COL4A2: variants seen among roughly 807,000 people sequenced by gnomAD.
The protein encoded by COL4A2 is collagen type IV alpha 2 chain.
COL4A2 carries 99 observed loss-of-function variants against 200.2 expected under a neutral mutation model. The ratio of observed to expected loss-of-function variants is 0.49; its 90% CI spans 0.42 to 0.58. The LOEUF is 0.58. Among genes scored for constraint, COL4A2 ranks in the 20% least tolerant of loss-of-function variants. The pLI is 0.00. For missense variants in COL4A2, 1,950 were observed against 2,314.1 expected, an observed-to-expected ratio of 0.84 and a Z score of 3.23; for synonymous variants, 897 against 900.6, an observed-to-expected ratio of 1.00 and a Z score of 0.07.
At chr13:110,385,524 A>AGACCGTGGCTG (rs1878671885) in intron 4 of COL4A2, among the ~76,000 whole-genome samples, 1 of 47,608 alleles carries the variant, frequency 2.1e-5, no homozygotes, top group Non-Finnish European at 4.7e-5. Flanking sequence ...GGCCGTGGTT[A>AGACCGTGGCTG]CAGTGCGTGG....
chr13:110,368,681 C>A (rs1474520974), intron 4 of COL4A2, among the ~76,000 whole-genome samples: 1 of 151,966 alleles, frequency 6.6e-6, no homozygotes, highest in Non-Finnish European at 1.5e-5. Context: ...TCAAGGATTG[C>A]GTAGGAGTTG....
chr13:110,333,224 C>G lies in COL4A2; in HGVS notation c.100-24248C>G, dbSNP rs541216352. ...ATGTACCTCTTTGAATGCTGCCTGC[C>G]TCGAGGTGTACCTCTCATCATCACA... is the stretch of plus-strand genomic sequence containing the variant. On this transcript the variant is annotated intron_variant, in intron 3 of 47. Transcript: ENST00000360467. 2.6e-5 allele frequency among the ~76,000 whole-genome samples: 4 copies of G among 152,188 alleles called. No individual in the cohort carries two copies. The East Asian group carries it at 7.7e-4, about 29-fold the overall frequency.
rs71127943 is a variant in COL4A2 at position 110,474,944 on chromosome 13, G to GCA, written c.2425+1800_2425+1801dup. Among the ~76,000 whole-genome samples the GCA allele has an allele frequency of 3.7e-4, 18 of 48,984 alleles. 1 individual carries two copies. Among genetic ancestry groups the GCA allele is most frequent in the African/African-American group, 1.0e-3 (15 of 14,318 alleles). 32.1% of individuals were successfully genotyped at this position (48,984 alleles called of 152,430 possible). A position where few individuals can be genotyped will look rare whatever the true frequency, so the allele number is the denominator to read the frequency against. On this transcript the variant is annotated intron_variant, in intron 29 of 47. Transcript: ENST00000360467. ...TGCACATACCCACACACGTGCCTGT[G>GCA]CACACACGATCACACACACGTACAT... is the stretch of plus-strand genomic sequence containing the variant.
At chr13:110,412,178 A>G (rs531959720) in intron 4 of COL4A2, among the ~76,000 whole-genome samples, 1 of 152,324 alleles carries the variant, frequency 6.6e-6, no homozygotes, top group South Asian at 2.1e-4. Context: ...CCAATCAGTG[A>G]TTGAGTTTGT....
intron 3 of COL4A2, among the ~76,000 whole-genome samples, chr13:110,321,340 A>G (rs1316901189): frequency 6.6e-6 from 1 of 152,194 alleles, no homozygotes; most frequent in Non-Finnish European, 1.5e-5. Flanking sequence ...TATGTAACAT[A>G]AAATTTACCA....
At chr13:110,344,614 G>T (rs1376626698) in intron 3 of COL4A2, among the ~76,000 whole-genome samples, 1 of 152,148 alleles carries the variant, frequency 6.6e-6, no homozygotes, top group Non-Finnish European at 1.5e-5. Context: ...CATCAGCACA[G>T]CAAACTGTCA....
At chr13:110,312,132 A>C (rs895462658) in intron 3 of COL4A2, among the ~76,000 whole-genome samples, 1 of 152,216 alleles carries the variant, frequency 6.6e-6, no homozygotes, top group East Asian at 1.9e-4. Context: ...AAGAAGGGAA[A>C]AGCACGGGGT....
At chr13:110,381,356 C>A (rs1878485394) in intron 4 of COL4A2, among the ~76,000 whole-genome samples, 2 of 152,252 alleles carry the variant, frequency 1.3e-5, no homozygotes, top group Admixed American at 1.3e-4. Context: ...CTCTGGCGTC[C>A]CCTTTCCTTG....
intron 4 of COL4A2, among the ~76,000 whole-genome samples, chr13:110,368,945 G>C (rs374132300): frequency 3.9e-4 from 59 of 151,848 alleles, no homozygotes; most frequent in African/African-American, 1.4e-3. Context: ...GCGGTGGCTC[G>C]CACCTGTAAT....
chr13:110,375,962 C>T (rs1470235178), intron 4 of COL4A2, among the ~76,000 whole-genome samples: 1 of 151,958 alleles, frequency 6.6e-6, no homozygotes, highest in East Asian at 1.9e-4. Flanking sequence ...TTTGACATTC[C>T]CTGAGTAAAT....
Position 110,476,164 on chromosome 13 carries a change from G to C in COL4A2, c.2426-1839G>C, listed in dbSNP as rs1203810013. 2.6e-5 allele frequency among the ~76,000 whole-genome samples: 4 copies of C among 152,248 alleles called. No individual in the cohort carries two copies. The East Asian group carries it at 7.7e-4, about 29-fold the overall frequency. ...GGGTTATGAATGTCACCTGGTGTCT[G>C]TCAGATCCCCACCCCATTGTTCTTG... is the stretch of plus-strand genomic sequence containing the variant. On this transcript the variant is annotated intron_variant, in intron 29 of 47. Transcript: ENST00000360467.
At chr13:110,384,427 AAC>A (rs1415732198) in intron 4 of COL4A2, among the ~76,000 whole-genome samples, 1 of 152,226 alleles carries the variant, frequency 6.6e-6, no homozygotes, top group African/African-American at 2.4e-5. Context: ...AAGGGAACTT[AAC>A]CAGTAATTTC....
At chr13:110,328,231 G>A (rs9559769) in intron 3 of COL4A2, 70,823 of 152,082 alleles carry the variant, frequency 0.47, 16,896 homozygotes, top group East Asian at 0.74. Flanking sequence ...TGTTTAATTC[G>A]TCCTGAAGAG....
At chr13:110,432,176 T>G in intron 10 of COL4A2, 149 bp from the exon 11 acceptor site, 1 of 1,040,882 alleles carries the variant, frequency 9.6e-7, no homozygotes. Context: ...GCATGTCATC[T>G]CTGCCAAGCC....
Position 110,487,081 on chromosome 13 carries a change from C to T in COL4A2, c.3207+1245C>T, listed in dbSNP as rs117678419. Among the ~76,000 whole-genome samples, 1,272 of 152,332 alleles carry T rather than the reference C, an allele frequency of 8.4e-3. 18 individuals are homozygous for T. The highest frequency in any genetic ancestry group is 0.014 in the Middle Eastern group (4 of 294). ...GTGTACAGAATTCTTCAGGGGTCTT[C>T]CTCCCCTCACTCCCAAAATCTGCAG... On this transcript the variant is annotated intron_variant, in intron 34 of 47. Transcript: ENST00000360467.
rs916555766 is a variant in COL4A2 at position 110,308,123 on chromosome 13, G to A, written c.99G>A (p.Ala33=). The change falls in exon 3 of 48, where the codon GCG becomes GCA. Residue 33 remains alanine (A), a splice_region_variant and synonymous_variant. Transcript: ENST00000360467. ...TVGFLAQSVL[A]GVKKFDVPCG... The stretch of plus-strand genomic sequence containing the variant: ...GGTTCCTCGCCCAGAGCGTCTTGGC[G>A]GTAAGTCCTGGCTCCCGCGCTTGGA... 2.5e-6 allele frequency: 4 copies of A among 1,613,542 alleles called. No homozygotes were observed. The highest frequency in any genetic ancestry group is 1.3e-5 in the African/African-American group (1 of 74,940).
At chr13:110,473,344 G>C in intron 29 of COL4A2, 194 bp downstream of exon 29, 1 of 546,126 alleles carries the variant, frequency 1.8e-6, no homozygotes, top group Non-Finnish European at 3.2e-6. Flanking sequence ...ACCCACGGTA[G>C]CCAGTGCGAT....
At position 110,315,094 on chromosome 13, in the gene COL4A2, G is replaced by T. The variant is rs558038328; in HGVS notation, c.99+6971G>T. 2.6e-5 allele frequency among the ~76,000 whole-genome samples: 4 copies of T among 152,336 alleles called. No individual in the cohort carries two copies. The South Asian group carries it at 8.3e-4, about 32-fold the overall frequency. The stretch of plus-strand genomic sequence containing the variant: ...GGAAATGAGAAGCATGAGCAGAGCC[G>T]CCTCTGCCCGGCCCCTGCCAGTTCT... On this transcript the variant is annotated intron_variant, in intron 3 of 47. Transcript: ENST00000360467.
intron 4 of COL4A2, among the ~76,000 whole-genome samples, chr13:110,394,127 G>A (rs1364139805): frequency 6.6e-6 from 1 of 152,134 alleles, no homozygotes; most frequent in South Asian, 2.1e-4. Flanking sequence ...TTTCTCACAG[G>A]TCTTTAGGTT....
Sources: allele counts gnomAD v4.1 joint callset (sites outside exome capture counted in the v4.1 genomes callset), GRCh38; gene constraint gnomAD v4.1.1; transcripts MANE v1.5; gene names NCBI Gene and HGNC (gene_info 2026-07-23, HGNC 2026-07-21).